DMD: variants seen among roughly 807,000 people sequenced by gnomAD.
The protein encoded by DMD is mutant dystrophin.
A neutral mutation model predicts 330.1 loss-of-function variants in DMD; 63 were observed. The observed-to-expected ratio is 0.19, with a 90% CI of 0.16 to 0.24. The LOEUF (loss-of-function observed/expected upper bound fraction) is 0.24, where lower values mean the gene tolerates loss of function less well. DMD is among the 10% of genes least tolerant of loss of function. The pLI is 1.00. For synonymous variants in DMD, 1,223 were observed against 959.8 expected, an observed-to-expected ratio of 1.27 and a Z score of -5.07; for missense variants, 3,344 against 2,684.1, an observed-to-expected ratio of 1.25 and a Z score of -5.43.
chrX:32,145,628 T>A (rs2096774784), intron 44 of DMD, among the ~76,000 whole-genome samples: 1 of 112,053 alleles, frequency 8.9e-6, no homozygotes, highest in African/African-American at 3.2e-5. Context: ...TGTTAAAAAT[T>A]ATAGAGAGCA....
intron 44 of DMD, among the ~76,000 whole-genome samples, chrX:31,983,466 A>T (rs1041243825): frequency 8.9e-6 from 1 of 111,885 alleles, no homozygotes; most frequent in African/African-American, 3.2e-5. Flanking sequence ...TTAATTAGTA[A>T]ACACAAACAA....
At position 32,744,797 on chromosome X, in the gene DMD, G is replaced by A. The variant is rs185258210; in HGVS notation, c.650-45504C>T. Among the ~76,000 whole-genome samples, 4 of 111,556 alleles carry A rather than the reference G, an allele frequency of 3.6e-5. No homozygotes were observed. The Admixed American group carries it at 3.8e-4, about 11-fold the overall frequency. On this transcript the variant is annotated intron_variant, in intron 7 of 78. Coordinates refer to ENST00000357033, the MANE Select transcript of DMD (RefSeq NM_004006.3). Reference sequence around the variant, plus strand: ...TCAGGATATAAACACTTTTCATCTGGACTATTACCAGTCTCCGAAAAGATA... The same window carrying A: ...TCAGGATATAAACACTTTTCATCTGAACTATTACCAGTCTCCGAAAAGATA...
At chrX:33,132,369 C>T (rs2148544643) in intron 1 of DMD, among the ~76,000 whole-genome samples, 1 of 111,595 alleles carries the variant, frequency 9.0e-6, no homozygotes, top group East Asian at 2.8e-4. Context: ...GGGCATTGCA[C>T]CTTGCACAAA....
intron 2 of DMD, among the ~76,000 whole-genome samples, chrX:33,008,853 C>T (rs1251413129): frequency 3.2e-5 from 3 of 93,184 alleles, no homozygotes; most frequent in Non-Finnish European, 6.5e-5. Flanking sequence ...TATATGTATA[C>T]GTGTATATAT....
At chrX:32,259,764 G>C (rs889863977) in intron 43 of DMD, among the ~76,000 whole-genome samples, 5 of 111,566 alleles carry the variant, frequency 4.5e-5, no homozygotes, top group African/African-American at 1.6e-4. Context: ...AATGCTGTAG[G>C]AAGACAAGAT....
chrX:31,399,045 T>C (rs2061070758), intron 60 of DMD, among the ~76,000 whole-genome samples: 1 of 111,333 alleles, frequency 9.0e-6, no homozygotes, highest in Non-Finnish European at 1.9e-5. Flanking sequence ...CCCTTTTAGC[T>C]TTGCCATTCA....
chrX:32,350,908 C>T (rs1029940804), intron 37 of DMD, among the ~76,000 whole-genome samples: 3 of 110,504 alleles, frequency 2.7e-5, no homozygotes, highest in African/African-American at 3.3e-5. Context: ...CCTTAGAATA[C>T]TTTTCATCTT....
intron 7 of DMD, among the ~76,000 whole-genome samples, chrX:32,735,028 C>A (rs2068252651): frequency 9.0e-6 from 1 of 111,023 alleles, no homozygotes; most frequent in Admixed American, 9.6e-5. Flanking sequence ...ACTGTCTCAG[C>A]CTAAAATCTC....
chrX:32,050,974 C>CTT lies in DMD; in HGVS notation c.6439-82462_6439-82461dup, dbSNP rs761835866. Reference sequence around the variant, plus strand: ...TTACATTGCCTCAGGCTAACTTCCTCTTTTTTTTTTTTTCCCCCTAATAGA... The same window carrying CTT: ...TTACATTGCCTCAGGCTAACTTCCTCTTTTTTTTTTTTTTTCCCCCTAATAGA... On this transcript the variant is annotated intron_variant, in intron 44 of 78. Transcript: ENST00000357033. 1.2e-3 allele frequency among the ~76,000 whole-genome samples: 90 copies of CTT among 78,126 alleles called. 3 individuals carry two copies. The East Asian group carries it at 0.022, about 19-fold the overall frequency. The allele number at this position is 78,126 out of a possible 115,157, so 67.8% of individuals were successfully genotyped here. A position where few individuals can be genotyped will look rare whatever the true frequency, so the allele number is the denominator to read the frequency against.
intron 1 of DMD, among the ~76,000 whole-genome samples, chrX:33,183,793 C>T (rs990389752): frequency 1.1e-4 from 2 of 18,981 alleles, no homozygotes; most frequent in African/African-American, 4.6e-4. Flanking sequence ...AGTTCCTTTA[C>T]TCAACAAGGA....
chrX:32,147,877 C>CTTTT (rs779461772), intron 44 of DMD, among the ~76,000 whole-genome samples: 1 of 87,967 alleles, frequency 1.1e-5, no homozygotes. Flanking sequence ...AAAATTTCTT[C>CTTTT]TTTTTTTTTT....
intron 74 of DMD, among the ~76,000 whole-genome samples, chrX:31,167,133 A>G (rs2039505877): frequency 9.0e-6 from 1 of 111,538 alleles, no homozygotes; most frequent in Admixed American, 9.5e-5. Context: ...ATTCACAGAG[A>G]CTTACTCTTC....
intron 43 of DMD, among the ~76,000 whole-genome samples, chrX:32,261,893 A>AAT (rs1260382594): frequency 1.9e-5 from 2 of 107,957 alleles, no homozygotes; most frequent in Non-Finnish European, 3.9e-5. Context: ...TTTCAGGACT[A>AAT]GTTATTTTAA....
At chrX:33,193,067 G>A (rs1187148747) in intron 1 of DMD, among the ~76,000 whole-genome samples, 1 of 111,951 alleles carries the variant, frequency 8.9e-6, no homozygotes, top group Non-Finnish European at 1.9e-5. Context: ...AGCACTTTGG[G>A]AGGCTGAGGT....
At chrX:32,479,034 C>A (rs1026399444) in intron 21 of DMD, among the ~76,000 whole-genome samples, 3 of 111,534 alleles carry the variant, frequency 2.7e-5, no homozygotes, top group Non-Finnish European at 3.8e-5. Flanking sequence ...TACCACACTA[C>A]AGAAATATTT....
chrX:32,457,680 A>G (rs6653873), intron 25 of DMD, among the ~76,000 whole-genome samples: 11,994 of 94,912 alleles, frequency 0.13, 622 homozygotes, highest in African/African-American at 0.21. Context: ...CTGATTGCTT[A>G]TATTTTCTCG....
intron 2 of DMD, among the ~76,000 whole-genome samples, chrX:32,885,845 A>C (rs906757849): frequency 9.2e-6 from 1 of 108,325 alleles, no homozygotes; most frequent in African/African-American, 3.4e-5. Context: ...AAAAAAAAAA[A>C]AAAACCTTTC....
intron 59 of DMD, among the ~76,000 whole-genome samples, chrX:31,467,908 C>A (rs1315784310): frequency 1.8e-5 from 2 of 111,554 alleles, no homozygotes; most frequent in Non-Finnish European, 3.8e-5. Flanking sequence ...GTGTATGTGT[C>A]CAGAAATTAA....
intron 7 of DMD, among the ~76,000 whole-genome samples, chrX:32,735,334 T>G (rs890122026): frequency 9.1e-6 from 1 of 110,419 alleles, no homozygotes; most frequent in Non-Finnish European, 1.9e-5. Flanking sequence ...AAAATGGCCA[T>G]ACTGCCCAAG....
Sources: gnomAD v4.1 joint callset for allele counts (sites outside exome capture counted in the v4.1 genomes callset) on GRCh38, gnomAD v4.1.1 for gene constraint, MANE v1.5 for transcripts, NCBI Gene and HGNC (gene_info 2026-07-23, HGNC 2026-07-21) for gene names.